Variants in LRRIQ3 observed in about 807,000 individuals in gnomAD.
The protein encoded by LRRIQ3 is leucine rich repeats and IQ motif containing 3, also known as leucine-rich repeat and IQ domain-containing protein 3.
A neutral mutation model predicts 59.3 loss-of-function variants in LRRIQ3; 75 were observed. The observed-to-expected ratio is 1.26, with a 90% confidence interval of 1.05 to 1.53. The LOEUF is 1.53. LRRIQ3 is among the 40% of genes most tolerant of loss of function. LRRIQ3 has a pLI of 0.00. For synonymous variants in LRRIQ3, 250 were observed against 231.3 expected, an observed-to-expected ratio of 1.08 and a Z score of -0.73; for missense variants, 831 against 710.0, an observed-to-expected ratio of 1.17 and a Z score of -1.94.
intron 1 of LRRIQ3, among the ~76,000 whole-genome samples, chr1:74,188,787 A>G (rs1650570971): frequency 6.6e-6 from 1 of 152,154 alleles, no homozygotes; most frequent in African/African-American, 2.4e-5. Context: ...AGAAACAGCA[A>G]ACTATGGGGA....
intron 5 of LRRIQ3, among the ~76,000 whole-genome samples, chr1:74,106,864 C>T (rs1646621814): frequency 1.3e-5 from 2 of 151,940 alleles, no homozygotes; most frequent in Non-Finnish European, 2.9e-5. Context: ...TTTATGCCAG[C>T]CTAATCTGTA....
chr1:74,049,803 T>C (rs1025955965), intron 6 of LRRIQ3, among the ~76,000 whole-genome samples: 1 of 152,226 alleles, frequency 6.6e-6, no homozygotes, highest in African/African-American at 2.4e-5. Context: ...TAATGTCATT[T>C]TAAAGTATTT....
chr1:74,130,491 G>A (rs919048973), intron 4 of LRRIQ3, among the ~76,000 whole-genome samples: 20 of 152,098 alleles, frequency 1.3e-4, no homozygotes, highest in Admixed American at 7.9e-4. Context: ...GTGGGGGAAG[G>A]GTGATGTTGG....
intron 4 of LRRIQ3, among the ~76,000 whole-genome samples, chr1:74,136,596 G>A (rs1265375997): frequency 6.6e-6 from 1 of 151,872 alleles, no homozygotes; most frequent in Non-Finnish European, 1.5e-5. Context: ...CTTTGATTTT[G>A]TTGTTGGAAT....
chr1:74,108,920 C>T (rs1646649971), intron 5 of LRRIQ3: 2 of 408,238 alleles, frequency 4.9e-6, no homozygotes, highest in African/African-American at 4.2e-5. Context: ...TTACATACCA[C>T]TTGCAAAATG....
chr1:74,038,070 C>T lies in LRRIQ3; in HGVS notation c.1718+3143G>A, dbSNP rs139157611. On this transcript the variant is annotated intron_variant, in intron 7 of 7. Coordinates refer to ENST00000354431, the MANE Select transcript of LRRIQ3 (RefSeq NM_001105659.2). ...TGCCTAACACATTAAGCTCCCAGGG[C>T]GGGTATGGGGCAGCAGCCATCTCTA... 3.9e-5 allele frequency among the ~76,000 whole-genome samples: 6 copies of T among 152,294 alleles called. No homozygotes were observed. The East Asian group carries it at 9.7e-4, about 25-fold the overall frequency.
intron 6 of LRRIQ3, among the ~76,000 whole-genome samples, chr1:74,073,459 CA>C (rs1655082105): frequency 6.6e-6 from 1 of 151,874 alleles, no homozygotes; most frequent in African/African-American, 2.4e-5. Flanking sequence ...TGCACTGAGC[CA>C]TAATCACTCC....
At chr1:74,135,982 G>T (rs1293058068) in intron 4 of LRRIQ3, among the ~76,000 whole-genome samples, 1 of 151,484 alleles carries the variant, frequency 6.6e-6, no homozygotes, top group Non-Finnish European at 1.5e-5. Context: ...TCAACAAAAT[G>T]GCAAACCTCT....
intron 5 of LRRIQ3, among the ~76,000 whole-genome samples, chr1:74,097,422 C>T (rs927926901): frequency 2.6e-5 from 4 of 152,112 alleles, no homozygotes; most frequent in Non-Finnish European, 5.9e-5. Flanking sequence ...ACCAAATCTA[C>T]GTCTCATTGG....
At chr1:74,167,302 G>C (rs550579316) in intron 3 of LRRIQ3, among the ~76,000 whole-genome samples, 1 of 151,826 alleles carries the variant, frequency 6.6e-6, no homozygotes, top group Non-Finnish European at 1.5e-5. Context: ...AATGGCATTT[G>C]CAGCAACCTG....
intron 4 of LRRIQ3, among the ~76,000 whole-genome samples, chr1:74,117,568 C>T (rs1430436697): frequency 1.3e-5 from 2 of 152,072 alleles, no homozygotes; most frequent in East Asian, 3.9e-4. Context: ...GAGTTCCAGG[C>T]CAGCCTGGCC....
intron 3 of LRRIQ3, among the ~76,000 whole-genome samples, chr1:74,168,487 AGTTT>A (rs1649131372): frequency 6.6e-6 from 1 of 152,046 alleles, no homozygotes; most frequent in African/African-American, 2.4e-5. Flanking sequence ...ATTTGAAATT[AGTTT>A]ATTGTTAACA....
chr1:74,191,976 G>C (rs1222881227), intron 1 of LRRIQ3, among the ~76,000 whole-genome samples: 2 of 151,946 alleles, frequency 1.3e-5, no homozygotes, highest in Admixed American at 6.6e-5. Context: ...TATTCTGGGA[G>C]GAGGGGCATA....
At chr1:74,095,259 T>G (rs1646436879) in intron 5 of LRRIQ3, 1 of 152,134 alleles carries the variant, frequency 6.6e-6, no homozygotes, top group Admixed American at 6.6e-5. Flanking sequence ...AACATTATGA[T>G]GCAGAGTTGT....
intron 5 of LRRIQ3, among the ~76,000 whole-genome samples, chr1:74,105,787 G>A (rs765207206): frequency 5.9e-4 from 89 of 152,008 alleles, no homozygotes; most frequent in African/African-American, 2.1e-3. Context: ...AGTTCCATGA[G>A]TCTTATTTAT....
At chr1:74,162,364 A>T (rs2100681804) in intron 3 of LRRIQ3, among the ~76,000 whole-genome samples, 1 of 152,020 alleles carries the variant, frequency 6.6e-6, no homozygotes, top group South Asian at 2.1e-4. Context: ...CAAAGGAATT[A>T]TAGTAAAGGC....
Position 74,109,391 on chromosome 1 carries a change from T to C in LRRIQ3, c.867+3A>G, listed in dbSNP as rs751221255. 158 of 1,487,560 alleles carry C rather than the reference T, an allele frequency of 1.1e-4. No individual in the cohort carries two copies. The highest frequency in any genetic ancestry group is 1.0e-4 in the Admixed American group (5 of 49,144). 92.1% of individuals were successfully genotyped at this position (1,487,560 alleles called of 1,614,324 possible). A position where few individuals can be genotyped will look rare whatever the true frequency, so the allele number is the denominator to read the frequency against. On this transcript the variant is annotated splice_donor_region_variant and intron_variant, in intron 5 of 7. Transcript: ENST00000354431. ...ATAAAAATAATAAACTAATTATACT[T>C]ACATGTTTCCAATATGCAAGCTTTC...
chr1:74,093,995 G>A (rs1358660350), intron 5 of LRRIQ3, among the ~76,000 whole-genome samples: 1 of 152,028 alleles, frequency 6.6e-6, no homozygotes, highest in Non-Finnish European at 1.5e-5. Context: ...AGGTCTGAAA[G>A]TTGGAAGTCC....
At chr1:74,189,860 A>G (rs1650647114) in intron 1 of LRRIQ3, among the ~76,000 whole-genome samples, 1 of 152,114 alleles carries the variant, frequency 6.6e-6, no homozygotes, top group African/African-American at 2.4e-5. Flanking sequence ...TTTATAAATT[A>G]CCCGGTGTTG....
Sources: gnomAD v4.1 joint callset for allele counts (sites outside exome capture counted in the v4.1 genomes callset) on GRCh38, gnomAD v4.1.1 for gene constraint, MANE v1.5 for transcripts, NCBI Gene and HGNC (gene_info 2026-07-23, HGNC 2026-07-21) for gene names.